CCDC74B: variants seen among roughly 807,000 people sequenced by gnomAD.
The protein encoded by CCDC74B is coiled-coil domain-containing protein 74B.
In CCDC74B, 34 loss-of-function variants were observed where a neutral mutation model predicts 38.0. The ratio of observed to expected loss-of-function variants is 0.89; its 90% CI spans 0.68 to 1.19. The LOEUF is 1.19. Among genes scored for constraint, CCDC74B ranks in the 50% most tolerant of loss-of-function variants. The pLI is 0.00. For missense variants in CCDC74B, 358 were observed against 406.0 expected, an observed-to-expected ratio of 0.88 and a Z score of 1.02; for synonymous variants, 132 against 170.4, an observed-to-expected ratio of 0.77 and a Z score of 1.76.
chr2:130,143,498 GC>G (rs1406285206), intron 1 of CCDC74B, among the ~76,000 whole-genome samples, 185 bp from the exon 2 acceptor site: 49 of 152,194 alleles, frequency 3.2e-4, no homozygotes, highest in Admixed American at 7.9e-4. Context: ...GCCAGGAGTG[GC>G]CCCTGCCTGT....
rs1167300588 is a variant in CCDC74B at position 130,141,167 on chromosome 2, C to T, written c.476G>A (p.Gly159Glu). The T allele has an allele frequency of 1.9e-6, 3 of 1,612,642 alleles. No individual in the cohort carries two copies. The highest frequency in any genetic ancestry group is 2.5e-6 in the Non-Finnish European group (3 of 1,179,280). Residue 159 changes from glycine to glutamate, a missense_variant, in exon 4 of 8, where the codon GGG becomes GAG. This residue lies in a region of CCDC74B where 213 missense variants were observed against 212.3 expected (regional missense o/e 1.00). Transcript: ENST00000409943. ...SKLDKVPGVQ[G>E]QARKEKAEAS... ...AACACCCAAGCCTTACCTGGCCTGC[C>T]CTTGTACCCCAGGAACCTTGTCCAG...
chr2:130,142,278 G>T, intron 2 of CCDC74B, 95 bp from the exon 3 acceptor site: 1 of 1,603,332 alleles, frequency 6.2e-7, no homozygotes, highest in Non-Finnish European at 8.5e-7. Context: ...CCTTCAGCCT[G>T]GCAGGGCTGG....
intron 1 of CCDC74B, among the ~76,000 whole-genome samples, chr2:130,143,750 C>G (rs993992127): frequency 6.6e-6 from 1 of 152,002 alleles, no homozygotes; most frequent in African/African-American, 2.4e-5. Flanking sequence ...ACAAAACAGA[C>G]GCCTGGTGAT....
chr2:130,142,514 A>G, intron 2 of CCDC74B: 2 of 1,556,984 alleles, frequency 1.3e-6, no homozygotes, highest in Non-Finnish European at 1.7e-6. Flanking sequence ...TTTGCCCAGA[A>G]CAGCTCACTG....
intron 2 of CCDC74B, chr2:130,142,824 G>T (rs1369885664): frequency 9.0e-6 from 14 of 1,549,970 alleles, no homozygotes; most frequent in Non-Finnish European, 1.2e-5. Context: ...CTGCCCAGAT[G>T]GCAGGAAGGG....
At chr2:130,142,900 C>G in intron 2 of CCDC74B, 3 of 1,550,428 alleles carry the variant, frequency 1.9e-6, no homozygotes, top group Non-Finnish European at 2.6e-6. Flanking sequence ...AGCCATAGGG[C>G]TGGAGATCCT....
chr2:130,142,048 C>T, intron 3 of CCDC74B, 85 bp downstream of exon 3: 1 of 1,573,358 alleles, frequency 6.4e-7, no homozygotes, highest in Non-Finnish European at 8.6e-7. Context: ...CAGAGGGTAC[C>T]TGGTCAGCAC....
chr2:130,144,227 C>T (rs1685875790), intron 1 of CCDC74B: 1 of 369,850 alleles, frequency 2.7e-6, no homozygotes, highest in Non-Finnish European at 5.3e-6. Context: ...GCAAGCTCCG[C>T]CTCCCGGGTT....
rs1407110663 is a variant in CCDC74B, at chr2:130,140,084, T to A, written c.691A>T (p.Lys231Ter). The A allele has an allele frequency of 6.2e-7, 1 of 1,612,814 alleles. No homozygotes were observed. The highest frequency in any genetic ancestry group is 1.1e-5 in the South Asian group (1 of 91,026). ...LLQTQELQHL[K>*]SLLEGSQRPQ... ...CTCTGGCTCCCTTCCAGGAGGGACT[T>A]GAGGTGCTGCAGCTGAAAGGCAGGG... Residue 231 changes from lysine (K) to a stop codon, truncating the protein, a stop_gained, in exon 6 of 8, where the codon AAG becomes TAG. Transcript: ENST00000409943. LOFTEE classifies it high-confidence loss of function.
rs1166906460 is a variant in CCDC74B at position 130,145,067 on chromosome 2, G to A, written c.-71C>T. 2.9e-5 allele frequency: 40 copies of A among 1,396,254 alleles called. 2 individuals carry two copies. In the African/African-American group the frequency reaches 3.7e-4, roughly 13 times the overall value. The allele number at this position is 1,396,254 out of a possible 1,614,324, so 86.5% of individuals were successfully genotyped here. A position where few individuals can be genotyped will look rare whatever the true frequency, so the allele number is the denominator to read the frequency against. ...AGTGGCCAGGCCGCCCTAGCCTGGC[G>A]CCCCGTCACCATGGAAACCGGGCGA... On this transcript the variant is annotated 5_prime_UTR_variant, in exon 1 of 8. Coordinates refer to ENST00000409943, the MANE Select transcript of CCDC74B (RefSeq NM_001258307.2).
chr2:130,140,902 GC>G (rs1685570094), intron 4 of CCDC74B: 7 of 331,854 alleles, frequency 2.1e-5, no homozygotes, highest in South Asian at 7.7e-5. Flanking sequence ...GCCGCTACTG[GC>G]CCCCCTCGTG....
rs1685799299 is a variant in CCDC74B, at chr2:130,143,397, T to G, written c.251-84A>C. ...GAAGCCTGGCCTGTCCTCTCCTGGC[T>G]GCTGAGCCCGAAAGTCCTGCCCCCC... On this transcript the variant is annotated intron_variant, in intron 1 of 7. Transcript: ENST00000409943. 5 of 1,577,452 alleles carry G rather than the reference T, an allele frequency of 3.2e-6. No individual in the cohort carries two copies. The Admixed American group carries it at 5.0e-5, about 16-fold the overall frequency.
At chr2:130,141,618 C>G (rs1406898552) in intron 3 of CCDC74B, 4 of 441,852 alleles carry the variant, frequency 9.1e-6, no homozygotes, top group Non-Finnish European at 1.6e-5. Context: ...GGACAAGGCC[C>G]GTCCAGCACC....
rs1685512952 is a variant in CCDC74B, at chr2:130,140,238, TAA to T, written c.617_618del (p.Leu206GlnfsTer42). 6.2e-7 allele frequency: 1 copy of T among 1,613,298 alleles called. No individual in the cohort carries two copies. The highest frequency in any genetic ancestry group is 8.5e-7 in the Non-Finnish European group (1 of 1,179,744). On this transcript the variant is annotated frameshift_variant, in exon 5 of 8. Coordinates refer to ENST00000409943, the MANE Select transcript of CCDC74B (RefSeq NM_001258307.2). LOFTEE classifies it high-confidence loss of function. ...LPLPLRKPTT[L>X]RQCEVLIREL... The stretch of plus-strand genomic sequence containing the variant: ...TCGCGGATGAGCACTTCGCACTGCC[TAA>T]GTGTGGTGGGCTTTCGCAGGGGAAG...
intron 1 of CCDC74B, 114 bp downstream of exon 1, chr2:130,144,633 C>T: frequency 6.5e-7 from 1 of 1,545,966 alleles, no homozygotes; most frequent in Non-Finnish European, 8.7e-7. Flanking sequence ...TCCTGTGTTC[C>T]CCCTGAGCCC....
At position 130,143,259 on chromosome 2, in the gene CCDC74B, C is replaced by T. The variant is rs778892636; in HGVS notation, c.295+10G>A. On this transcript the variant is annotated intron_variant, in intron 2 of 7. Transcript: ENST00000409943. Reference sequence around the variant, plus strand: ...GCATCCCATCAGGAACTGAAGGGCCCAGTTCTCACCTTTCTTCTGTGATGT... The same window carrying T: ...GCATCCCATCAGGAACTGAAGGGCCTAGTTCTCACCTTTCTTCTGTGATGT... The T allele has an allele frequency of 1.9e-6, 3 of 1,613,386 alleles. No individual in the cohort carries two copies. Among genetic ancestry groups the T allele is most frequent in the East Asian group, 2.2e-5 (1 of 44,876 alleles).
At chr2:130,144,450 G>A (rs1685900451) in intron 1 of CCDC74B, 1 of 1,393,524 alleles carries the variant, frequency 7.2e-7, no homozygotes, top group African/African-American at 1.4e-5. Context: ...CCTCTATAAA[G>A]TTTTTAACAG....
intron 3 of CCDC74B, chr2:130,141,870 C>T: frequency 3.9e-6 from 3 of 769,598 alleles, no homozygotes; most frequent in Non-Finnish European, 6.0e-6. Flanking sequence ...CGGGGAGGCC[C>T]CTCCTGCCTG....
chr2:130,139,530 C>G lies in CCDC74B; in HGVS notation c.*25G>C. The stretch of plus-strand genomic sequence containing the variant: ...AATCTCCAGCTGCAGGTTGGTGGGC[C>G]TGGCACTGACCAGATGCGGGTAGCT... On this transcript the variant is annotated 3_prime_UTR_variant, in exon 8 of 8. Coordinates refer to ENST00000409943, the MANE Select transcript of CCDC74B (RefSeq NM_001258307.2). The G allele has an allele frequency of 6.2e-7, 1 of 1,612,702 alleles. No homozygotes were observed. The highest frequency in any genetic ancestry group is 1.1e-5 in the South Asian group (1 of 90,996).
Sources: gnomAD v4.1 joint callset for allele counts (sites outside exome capture counted in the v4.1 genomes callset) on GRCh38, gnomAD v4.1.1 for gene constraint, gnomAD v4.1.1 regional missense constraint, MANE v1.5 for transcripts, NCBI Gene and HGNC (gene_info 2026-07-23, HGNC 2026-07-21) for gene names.